The following PAK1 variants were observed in gnomAD, a reference collection of about 807,000 sequenced individuals.
The protein encoded by PAK1 is p21 (RAC1) activated kinase 1.
A neutral mutation model predicts 67.4 loss-of-function variants in PAK1; 29 were observed. The observed-to-expected ratio is 0.43, with a 90% CI of 0.32 to 0.59. PAK1 has a LOEUF of 0.59. Among genes scored for constraint, PAK1 ranks in the 20% least tolerant of loss-of-function variants. PAK1 has a pLI of 0.07. For missense variants in PAK1, 337 were observed against 670.7 expected (o/e 0.50, Z 5.50); for synonymous variants, 223 against 237.4 (o/e 0.94, Z 0.56).
Position 77,325,118 on chromosome 11 carries a change from CAT to C in PAK1, c.1552-1760_1552-1759del, listed in dbSNP as rs1264067442. 3.3e-5 allele frequency among the ~76,000 whole-genome samples: 5 copies of C among 152,338 alleles called. No homozygotes were observed. In the East Asian group the frequency reaches 5.8e-4, roughly 18 times the overall value. ...TTAAAAAGCCAGCTTTCTCAGATCA[CAT>C]GTTTCTGCAATTCCCCTAAGTTGAG... On this transcript the variant is annotated intron_variant, in intron 14 of 14. Transcript: ENST00000356341.
intron 1 of PAK1, among the ~76,000 whole-genome samples, chr11:77,428,221 A>C (rs755414657): frequency 1.3e-5 from 2 of 152,166 alleles, no homozygotes; most frequent in Non-Finnish European, 2.9e-5. Context: ...TGTGAAAGGT[A>C]TAAGAAGATT....
At chr11:77,347,087 A>C in intron 9 of PAK1, 2 of 456,288 alleles carry the variant, frequency 4.4e-6, no homozygotes, top group Non-Finnish European at 8.8e-6. Flanking sequence ...TCCCTGGGGC[A>C]GGAAATGAAG....
At chr11:77,523,235 A>T in the PAK1 span, among the ~76,000 whole-genome samples, 243 of 152,288 alleles carry the variant, frequency 1.6e-3, 1 homozygote, top group South Asian at 0.015. Context: ...TAGTTGAAAA[A>T]TTTTTTAAAA....
the PAK1 span, among the ~76,000 whole-genome samples, chr11:77,490,290 G>GC: frequency 1.5e-3 from 118 of 80,600 alleles, 5 homozygotes; most frequent in South Asian, 7.4e-3. Flanking sequence ...GTGGGGGTCA[G>GC]CCCCCCCACC....
chr11:77,437,393 A>G (rs535120800), intron 1 of PAK1, among the ~76,000 whole-genome samples: 1 of 152,210 alleles, frequency 6.6e-6, no homozygotes, highest in Non-Finnish European at 1.5e-5. Flanking sequence ...TACGATTATT[A>G]TGAGGATTAA....
intron 1 of PAK1, among the ~76,000 whole-genome samples, chr11:77,465,868 G>T (rs1235593590): frequency 6.6e-6 from 1 of 152,124 alleles, no homozygotes; most frequent in Non-Finnish European, 1.5e-5. Context: ...ACGATTGCTT[G>T]AGCCCGGGAG....
At position 77,473,567 on chromosome 11, in the gene PAK1, AGCTCCTCTCG is replaced by A. The variant is rs1318508097; in HGVS notation, c.-47_-38del. The A allele has an allele frequency of 6.5e-6, 1 of 152,760 alleles. No homozygotes were observed. The highest frequency in any genetic ancestry group is 1.5e-5 in the Non-Finnish European group (1 of 68,492). 9.5% of individuals were successfully genotyped at this position (152,760 alleles called of 1,614,324 possible). A position where few individuals can be genotyped will look rare whatever the true frequency, so the allele number is the denominator to read the frequency against. On this transcript the variant is annotated 5_prime_UTR_variant, in exon 1 of 15. Transcript: ENST00000356341. ...CCGCTCTCACCTTCCGCGCTCGCTC[AGCTCCTCTCG>A]GCTCCTCCTCCTCCTCCCGGCGGTG...
intron 8 of PAK1, among the ~76,000 whole-genome samples, chr11:77,352,382 T>C (rs1334687517): frequency 1.3e-5 from 2 of 152,214 alleles, no homozygotes; most frequent in African/African-American, 2.4e-5. Context: ...AAGACAGTCA[T>C]GTGTCACATA....
intron 1 of PAK1, among the ~76,000 whole-genome samples, chr11:77,462,281 A>G (rs543350177): frequency 4.2e-4 from 64 of 151,680 alleles, no homozygotes; most frequent in African/African-American, 1.5e-3. Flanking sequence ...CAGTGAGCCG[A>G]GATTGCTCCA....
At chr11:77,370,762 G>C (rs1454351889) in intron 5 of PAK1, among the ~76,000 whole-genome samples, 1 of 152,198 alleles carries the variant, frequency 6.6e-6, no homozygotes, top group Non-Finnish European at 1.5e-5. Context: ...GAGATAGCAA[G>C]AGAGATGGGC....
intron 1 of PAK1, among the ~76,000 whole-genome samples, chr11:77,432,975 G>C (rs1955932032): frequency 6.6e-6 from 1 of 152,156 alleles, no homozygotes; most frequent in Admixed American, 6.5e-5. Flanking sequence ...AAGACAGTAT[G>C]GTATTGGCAT....
the PAK1 span, among the ~76,000 whole-genome samples, chr11:77,492,541 C>CTTTTTTTT: frequency 1.9e-5 from 2 of 106,140 alleles, no homozygotes; most frequent in Non-Finnish European, 4.1e-5. Context: ...TGAGGTGGGT[C>CTTTTTTTT]TTTTTTTTTT....
intron 1 of PAK1, among the ~76,000 whole-genome samples, chr11:77,424,056 C>A (rs759948307): frequency 1.4e-4 from 21 of 152,180 alleles, no homozygotes; most frequent in Middle Eastern, 3.2e-3. Context: ...GAATAAAGCA[C>A]AAAGTTACAC....
intron 14 of PAK1, among the ~76,000 whole-genome samples, chr11:77,324,802 GAGAGAA>G (rs1171235714): frequency 1.7e-4 from 26 of 150,340 alleles, no homozygotes; most frequent in Admixed American, 3.9e-4. Flanking sequence ...CAGAGAGAGA[GAGAGAA>G]AGAGAAAGAG....
Position 77,323,099 on chromosome 11 carries a change from G to A in PAK1, c.*175C>T. 2 of 1,140,474 alleles carry A rather than the reference G, an allele frequency of 1.8e-6. No individual in the cohort carries two copies. Among genetic ancestry groups the A allele is most frequent in the Non-Finnish European group, 2.6e-6 (2 of 781,018 alleles). 70.6% of individuals were successfully genotyped at this position (1,140,474 alleles called of 1,614,324 possible). The stretch of plus-strand genomic sequence containing the variant: ...CCATCATCTGATTAGTCATTCAGTT[G>A]CAGTTCTCTTCAATGCTGGACACAC... On this transcript the variant is annotated 3_prime_UTR_variant, in exon 15 of 15. Transcript: ENST00000356341.
intron 1 of PAK1, among the ~76,000 whole-genome samples, chr11:77,451,665 T>C (rs1956860915): frequency 6.6e-6 from 1 of 151,354 alleles, no homozygotes; most frequent in Non-Finnish European, 1.5e-5. Flanking sequence ...AGTGGCACGA[T>C]TTCTGCTCAC....
chr11:77,353,628 T>G (rs1177459797), intron 7 of PAK1, 29 bp from the exon 8 acceptor site: 1 of 1,558,112 alleles, frequency 6.4e-7, no homozygotes, highest in African/African-American at 1.4e-5. Context: ...CCATGAATCA[T>G]TTTTTCCCAA....
At chr11:77,362,771 T>C (rs1946969418) in intron 5 of PAK1, among the ~76,000 whole-genome samples, 1 of 151,218 alleles carries the variant, frequency 6.6e-6, no homozygotes. Context: ...GCTAAATGAA[T>C]ATGTCTTATC....
intron 14 of PAK1, among the ~76,000 whole-genome samples, chr11:77,330,237 C>A (rs1941149689): frequency 6.6e-6 from 1 of 152,096 alleles, no homozygotes; most frequent in Non-Finnish European, 1.5e-5. Context: ...TCAATGCCAT[C>A]CCCATCAAGC....
Sources: gnomAD v4.1 joint callset for allele counts (sites outside exome capture counted in the v4.1 genomes callset) on GRCh38, gnomAD v4.1.1 for gene constraint, MANE v1.5 for transcripts, NCBI Gene and HGNC (gene_info 2026-07-23, HGNC 2026-07-21) for gene names.